Variants in UNC79 observed in about 807,000 individuals in gnomAD.
UNC79 encodes protein unc-79 homolog.
Under a neutral mutation model 283.1 loss-of-function variants are expected in UNC79, and 37 were observed. The ratio of observed to expected loss-of-function variants is 0.13; its 90% CI spans 0.10 to 0.17. The LOEUF (loss-of-function observed/expected upper bound fraction) is 0.17. Ranked by LOEUF, UNC79 falls within the 10% of genes least tolerant of loss-of-function variation. The pLI is 1.00. For synonymous variants in UNC79, 1,107 were observed against 1,200.2 expected (o/e 0.92, Z 1.61); for missense variants, 2,272 against 3,211.1 (o/e 0.71, Z 7.07).
At chr14:93,564,700 G>A (rs1022502409) in intron 14 of UNC79, among the ~76,000 whole-genome samples, 1 of 151,914 alleles carries the variant, frequency 6.6e-6, no homozygotes, top group South Asian at 2.1e-4. Flanking sequence ...GGGTGGGGCC[G>A]TTTTATAGGA....
chr14:93,636,108 G>A (rs1009670741), intron 31 of UNC79, among the ~76,000 whole-genome samples: 1 of 152,198 alleles, frequency 6.6e-6, no homozygotes, highest in Admixed American at 6.5e-5. Flanking sequence ...AATGGGCACA[G>A]TAGTTATAAA....
chr14:93,477,531 G>T lies in UNC79; in HGVS notation c.449-27G>T, dbSNP rs150825091. 6.5e-6 allele frequency: 10 copies of T among 1,545,596 alleles called. No individual in the cohort carries two copies. The African/African-American group carries it at 1.2e-4, about 19-fold the overall frequency. ...TTTTGTTAATTGCAAAATATTCAGTGACTGATTACTCAATTTTGTTTTGTA... is the reference window on the plus strand; with the variant it reads ...TTTTGTTAATTGCAAAATATTCAGTTACTGATTACTCAATTTTGTTTTGTA... On this transcript the variant is annotated intron_variant, in intron 3 of 48. Transcript: ENST00000555664.
chr14:93,651,676 A>G (rs2070278673), intron 35 of UNC79, among the ~76,000 whole-genome samples: 1 of 152,076 alleles, frequency 6.6e-6, no homozygotes, highest in African/African-American at 2.4e-5. Flanking sequence ...TTGATTTTGT[A>G]TGGAAAAATC....
chr14:93,681,072 T>C (rs956123516), intron 41 of UNC79, among the ~76,000 whole-genome samples: 1 of 152,246 alleles, frequency 6.6e-6, no homozygotes, highest in Non-Finnish European at 1.5e-5. Context: ...TAGAAAACGC[T>C]AGGTGTTCCC....
At chr14:93,349,538 T>C (rs1196851673) in intron 1 of UNC79, among the ~76,000 whole-genome samples, 11 of 152,150 alleles carry the variant, frequency 7.2e-5, no homozygotes, top group Admixed American at 6.5e-4. Flanking sequence ...CCACTTAAGT[T>C]TTGATTTCCC....
chr14:93,588,277 A>AT (rs2064358866), intron 22 of UNC79, among the ~76,000 whole-genome samples: 2 of 152,114 alleles, frequency 1.3e-5, no homozygotes, highest in South Asian at 4.1e-4. Flanking sequence ...GAAAAGAGAG[A>AT]TTTTTGGAAA....
rs542794577 is a variant in UNC79 at position 93,542,365 on chromosome 14, G to A, written c.1525-101G>A. Reference sequence around the variant, plus strand: ...ACTGCCTATTTCAAACAGATTATCTGGGATATCTTTTTATTTTTATTTTTT... The same window carrying A: ...ACTGCCTATTTCAAACAGATTATCTAGGATATCTTTTTATTTTTATTTTTT... On this transcript the variant is annotated intron_variant, in intron 13 of 48. Transcript: ENST00000555664. 33 of 1,184,354 alleles carry A rather than the reference G, an allele frequency of 2.8e-5. No individual in the cohort carries two copies. In the South Asian group the frequency reaches 4.9e-4, roughly 17 times the overall value. 73.4% of individuals were successfully genotyped at this position (1,184,354 alleles called of 1,614,324 possible).
intron 7 of UNC79, among the ~76,000 whole-genome samples, chr14:93,511,828 G>T (rs911604948): frequency 3.9e-5 from 6 of 152,116 alleles, no homozygotes; most frequent in African/African-American, 1.4e-4. Flanking sequence ...TGTTCTGTAT[G>T]TATCATTGTT....
chr14:93,345,917 A>C (rs925740691), intron 1 of UNC79, among the ~76,000 whole-genome samples: 1 of 151,472 alleles, frequency 6.6e-6, no homozygotes, highest in Non-Finnish European at 1.5e-5. Context: ...TCCCAAAAGG[A>C]AAAAAGAGGG....
chr14:93,411,144 C>A (rs746459352), intron 1 of UNC79, among the ~76,000 whole-genome samples: 2 of 152,056 alleles, frequency 1.3e-5, no homozygotes, highest in African/African-American at 4.8e-5. Context: ...GCTCTTGGGC[C>A]TTAAGGGAGT....
At chr14:93,465,957 G>A (rs1279639793) in intron 1 of UNC79, among the ~76,000 whole-genome samples, 1 of 152,138 alleles carries the variant, frequency 6.6e-6, no homozygotes, top group Non-Finnish European at 1.5e-5. Flanking sequence ...GGATTTTCTT[G>A]TAGTATGGTT....
intron 2 of UNC79, among the ~76,000 whole-genome samples, chr14:93,469,834 A>G (rs1595544337): frequency 6.6e-6 from 1 of 152,120 alleles, no homozygotes; most frequent in African/African-American, 2.4e-5. Flanking sequence ...GTGAGCCTTG[A>G]TTGCACCACT....
At chr14:93,692,418 A>G (rs1264354003) in intron 46 of UNC79, among the ~76,000 whole-genome samples, 1 of 152,218 alleles carries the variant, frequency 6.6e-6, no homozygotes, top group Non-Finnish European at 1.5e-5. Context: ...CATCAAATGT[A>G]TGTTGTATGA....
downstream of UNC79, chr14:93,706,984 T>A: frequency 1.3e-6 from 2 of 1,517,002 alleles, no homozygotes; most frequent in Non-Finnish European, 1.8e-6. Flanking sequence ...TCCAAGCAGG[T>A]TGGGGAACAT....
intron 1 of UNC79, among the ~76,000 whole-genome samples, chr14:93,369,775 T>C (rs556475228): frequency 1.3e-5 from 2 of 152,228 alleles, no homozygotes; most frequent in East Asian, 3.8e-4. Flanking sequence ...TTTTGAAATA[T>C]GCCAGATTAA....
Position 93,617,350 on chromosome 14 carries a change from G to T in UNC79, c.4224+46G>T, listed in dbSNP as rs779076766. The T allele has an allele frequency of 2.8e-5, 45 of 1,600,058 alleles. 1 individual carries two copies. Among genetic ancestry groups the T allele is most frequent in the Non-Finnish European group, 3.8e-5 (44 of 1,171,296 alleles). ...TGTTTTGGATGCAATGGTTCTCTTA[G>T]AGAGCATATAGCATTAGGAGAACAC... On this transcript the variant is annotated intron_variant, in intron 28 of 48. Transcript: ENST00000555664. This position sits in a 1 kb window ranked among gnomAD's most constrained non-coding sequence, Gnocchi z 4.5.
intron 7 of UNC79, among the ~76,000 whole-genome samples, chr14:93,523,335 G>A (rs2060410314): frequency 6.6e-6 from 1 of 152,132 alleles, no homozygotes; most frequent in Non-Finnish European, 1.5e-5. Flanking sequence ...TTTAGTAGGT[G>A]GGTCACGTGT....
At chr14:93,687,998 C>T (rs1475222313) in intron 43 of UNC79, among the ~76,000 whole-genome samples, 1 of 152,122 alleles carries the variant, frequency 6.6e-6, no homozygotes, top group Non-Finnish European at 1.5e-5. Flanking sequence ...AGACCTGGGT[C>T]TAGAACCTAG....
At chr14:93,345,696 G>C (rs1186490955) in intron 1 of UNC79, among the ~76,000 whole-genome samples, 4 of 152,102 alleles carry the variant, frequency 2.6e-5, no homozygotes, top group African/African-American at 9.7e-5. Flanking sequence ...GCTAAGAAGG[G>C]CCAGTGTCCG....
Sources: gnomAD v4.1 joint callset for allele counts (sites outside exome capture counted in the v4.1 genomes callset) on GRCh38, gnomAD v4.1.1 for gene constraint, Gnocchi (gnomAD v3.1) non-coding constraint, MANE v1.5 for transcripts, NCBI Gene and HGNC (gene_info 2026-07-23, HGNC 2026-07-21) for gene names.